SERGEF: variants seen among roughly 807,000 people sequenced by gnomAD.
SERGEF encodes secretion-regulating guanine nucleotide exchange factor.
SERGEF carries 51 observed loss-of-function variants against 50.0 expected under a neutral mutation model. The observed-to-expected ratio is 1.02, with a 90% CI of 0.81 to 1.29. The LOEUF is 1.29. Ranked by LOEUF, SERGEF falls within the 50% of genes most tolerant of loss-of-function variation. The pLI, the probability that SERGEF is intolerant of heterozygous loss-of-function variation, is 0.00. For missense variants in SERGEF, 521 were observed against 557.0 expected (o/e 0.94, Z 0.65); for synonymous variants, 205 against 212.4 (o/e 0.97, Z 0.30).
At chr11:17,946,842 T>C (rs1397690060) in intron 9 of SERGEF, among the ~76,000 whole-genome samples, 1 of 152,182 alleles carries the variant, frequency 6.6e-6, no homozygotes, top group African/African-American at 2.4e-5. Context: ...CCAGAACTAA[T>C]ACATTATAAC....
At chr11:17,911,882 C>G (rs895559625) in intron 9 of SERGEF, among the ~76,000 whole-genome samples, 1 of 152,060 alleles carries the variant, frequency 6.6e-6, no homozygotes, top group African/African-American at 2.4e-5. Context: ...TGAATGACAA[C>G]TCATTAATGG....
chr11:17,966,440 G>A (rs762142467), intron 8 of SERGEF, among the ~76,000 whole-genome samples: 56 of 152,114 alleles, frequency 3.7e-4, no homozygotes, highest in Admixed American at 7.2e-4. Flanking sequence ...TCTATAAAAT[G>A]AGAGAACCGC....
At chr11:17,794,925 C>T (rs1029976320) in intron 10 of SERGEF, among the ~76,000 whole-genome samples, 1 of 152,218 alleles carries the variant, frequency 6.6e-6, no homozygotes, top group East Asian at 1.9e-4. Context: ...TGCAGAGGAG[C>T]AGAAATCTCC....
chr11:17,856,693 T>C lies in SERGEF; in HGVS notation c.1048+21515A>G, dbSNP rs375438156. ...TATAATAATAGTACCTACCTTACTG[T>C]TGATGTAAAGAATCAATTAATAATG... On this transcript the variant is annotated intron_variant, in intron 10 of 10. Transcript: ENST00000265965. The C allele has an allele frequency of 2.4e-4, 37 of 152,330 alleles. 1 individual carries two copies. The East Asian group carries it at 5.0e-3, about 21-fold the overall frequency. 9.4% of individuals were successfully genotyped at this position (152,330 alleles called of 1,614,324 possible).
chr11:17,959,330 A>C, intron 9 of SERGEF, 140 bp downstream of exon 9: 1 of 705,340 alleles, frequency 1.4e-6, no homozygotes, highest in Admixed American at 3.1e-5. Flanking sequence ...TTAAAGCATG[A>C]GCTCCTTAGG....
chr11:17,811,687 G>A (rs528016639), intron 10 of SERGEF, among the ~76,000 whole-genome samples: 11 of 152,348 alleles, frequency 7.2e-5, no homozygotes, highest in East Asian at 1.9e-4. Context: ...CTCCGGAGGC[G>A]AAGAATACGA....
At chr11:17,819,812 T>C (rs1201572889) in intron 10 of SERGEF, among the ~76,000 whole-genome samples, 2 of 152,168 alleles carry the variant, frequency 1.3e-5, no homozygotes, top group South Asian at 2.1e-4. Flanking sequence ...AACTCTACGA[T>C]GGTAAAGCAT....
intron 9 of SERGEF, among the ~76,000 whole-genome samples, chr11:17,907,163 C>CAAAAAAAAAAAAAAAAA (rs200442630): frequency 8.6e-6 from 1 of 116,818 alleles, no homozygotes; most frequent in Non-Finnish European, 1.8e-5. Flanking sequence ...AACTTATGAC[C>CAAAAAAAAAAAAAAAAA]AAAAAAAAAA....
intron 1 of SERGEF, chr11:18,012,578 C>T: frequency 1.7e-6 from 2 of 1,174,270 alleles, no homozygotes; most frequent in South Asian, 1.7e-5. Flanking sequence ...GCACAGGTGG[C>T]CCCACGGAGC....
chr11:17,796,293 G>A (rs954623748), intron 10 of SERGEF, among the ~76,000 whole-genome samples: 2 of 152,168 alleles, frequency 1.3e-5, no homozygotes, highest in East Asian at 3.9e-4. Flanking sequence ...GGTCCTATTG[G>A]GCCTGGCAGA....
At chr11:17,965,952 C>A (rs1369282472) in intron 8 of SERGEF, among the ~76,000 whole-genome samples, 1 of 152,224 alleles carries the variant, frequency 6.6e-6, no homozygotes, top group Non-Finnish European at 1.5e-5. Context: ...ATGGCACATA[C>A]TAACTAGTGA....
intron 9 of SERGEF, among the ~76,000 whole-genome samples, chr11:17,951,215 G>A (rs1222326354): frequency 1.3e-5 from 2 of 152,184 alleles, no homozygotes; most frequent in Non-Finnish European, 2.9e-5. Context: ...CAGCTCATAT[G>A]TCATGAACCT....
intron 10 of SERGEF, among the ~76,000 whole-genome samples, chr11:17,788,943 A>C (rs984010752): frequency 1.3e-5 from 2 of 152,178 alleles, no homozygotes; most frequent in South Asian, 4.2e-4. Context: ...AAAACCCTTC[A>C]GTGCCTTTCC....
chr11:17,911,624 A>C (rs12290104), intron 9 of SERGEF, among the ~76,000 whole-genome samples: 2,740 of 151,760 alleles, frequency 0.018, 100 homozygotes, highest in African/African-American at 0.064. Context: ...AGTAGTTGGG[A>C]CTACAGGTGC....
intron 9 of SERGEF, among the ~76,000 whole-genome samples, chr11:17,882,425 A>G (rs1456069296): frequency 2.6e-5 from 4 of 151,344 alleles, no homozygotes; most frequent in Non-Finnish European, 5.9e-5. Flanking sequence ...TCTCAAAAAA[A>G]AAAAAAAAAA....
chr11:17,791,984 T>C (rs929790635), intron 10 of SERGEF, among the ~76,000 whole-genome samples: 2 of 152,270 alleles, frequency 1.3e-5, no homozygotes, highest in African/African-American at 4.8e-5. Context: ...TTCAGTCTTT[T>C]GATAAGTGTA....
chr11:17,916,335 T>C (rs887897373), intron 9 of SERGEF, among the ~76,000 whole-genome samples: 2 of 152,222 alleles, frequency 1.3e-5, no homozygotes, highest in Admixed American at 6.5e-5. Flanking sequence ...AGTGCAGCTT[T>C]CAGTGTCAAA....
At chr11:18,005,450 A>G (rs560743640) in intron 3 of SERGEF, among the ~76,000 whole-genome samples, 1 of 152,326 alleles carries the variant, frequency 6.6e-6, no homozygotes, top group South Asian at 2.1e-4. Flanking sequence ...AAAGAAAAGT[A>G]TGAGGAGTGT....
chr11:17,861,610 G>A (rs1268116935), intron 10 of SERGEF, among the ~76,000 whole-genome samples: 1 of 152,258 alleles, frequency 6.6e-6, no homozygotes, highest in Non-Finnish European at 1.5e-5. Flanking sequence ...ATGAAGCAGT[G>A]AGCACACATG....
Sources: allele counts gnomAD v4.1 joint callset (sites outside exome capture counted in the v4.1 genomes callset), GRCh38; gene constraint gnomAD v4.1.1; transcripts MANE v1.5; gene names NCBI Gene and HGNC (gene_info 2026-07-23, HGNC 2026-07-21).